Variants in SHISA6 observed in about 807,000 individuals in gnomAD.
The protein encoded by SHISA6 is shisa family member 6.
In SHISA6, 22 loss-of-function variants were observed where a neutral mutation model predicts 47.9. That is an observed-to-expected ratio of 0.46 (90% confidence interval 0.33 to 0.66). The LOEUF (loss-of-function observed/expected upper bound fraction) is 0.66. Ranked by LOEUF, SHISA6 falls within the 30% of genes least tolerant of loss-of-function variation. The pLI is 0.02. For synonymous variants in SHISA6, 388 were observed against 337.8 expected (o/e 1.15, Z -1.63); for missense variants, 680 against 764.6 (o/e 0.89, Z 1.30).
chr17:11,501,749 G>A (rs905821761), intron 3 of SHISA6, among the ~76,000 whole-genome samples: 3 of 152,064 alleles, frequency 2.0e-5, no homozygotes, highest in Non-Finnish European at 2.9e-5. Flanking sequence ...CTGCCACCCA[G>A]AGATATTTAG....
intron 1 of SHISA6, among the ~76,000 whole-genome samples, chr17:11,254,357 A>T (rs978994829): frequency 1.1e-4 from 17 of 152,178 alleles, no homozygotes; most frequent in African/African-American, 4.1e-4. Context: ...TGAAAGATAC[A>T]TGCTGACACA....
intron 3 of SHISA6, among the ~76,000 whole-genome samples, chr17:11,534,702 A>G (rs1043461073): frequency 6.6e-6 from 1 of 152,206 alleles, no homozygotes; most frequent in African/African-American, 2.4e-5. Context: ...TGAAGGATGA[A>G]TAAAAATTGA....
At chr17:11,455,565 G>A (rs930159686) in intron 3 of SHISA6, among the ~76,000 whole-genome samples, 8 of 152,064 alleles carry the variant, frequency 5.3e-5, no homozygotes, top group Non-Finnish European at 7.4e-5. Context: ...GTGTACAAGC[G>A]TGGAGAGCGT....
chr17:11,438,266 C>T (rs1442797313), intron 3 of SHISA6, among the ~76,000 whole-genome samples: 1 of 152,206 alleles, frequency 6.6e-6, no homozygotes, highest in Admixed American at 6.5e-5. Context: ...TTTATCCAAA[C>T]ATTAAACATC....
At chr17:11,248,445 C>T (rs942112134) in intron 1 of SHISA6, among the ~76,000 whole-genome samples, 23 of 152,066 alleles carry the variant, frequency 1.5e-4, no homozygotes, top group African/African-American at 5.6e-4. Context: ...TAAGCCAGGG[C>T]GCCTGTGTTC....
chr17:11,328,979 G>A (rs1911009183), intron 2 of SHISA6, among the ~76,000 whole-genome samples: 1 of 152,146 alleles, frequency 6.6e-6, no homozygotes, highest in Non-Finnish European at 1.5e-5. Context: ...TAACGATGGT[G>A]ATGATGATAA....
chr17:11,523,019 C>G (rs1420594084), intron 3 of SHISA6, among the ~76,000 whole-genome samples: 1 of 152,142 alleles, frequency 6.6e-6, no homozygotes, highest in African/African-American at 2.4e-5. Flanking sequence ...GAAGATTTTT[C>G]TTCTTTTGCC....
chr17:11,415,875 T>C lies in SHISA6; in HGVS notation c.895+36366T>C, dbSNP rs1343082297. ...GCTGCTAGAGCAAAATACCGTAGACTTGATGGCTTAAAAAAGACATTAATT... is the reference window on the plus strand; with the variant it reads ...GCTGCTAGAGCAAAATACCGTAGACCTGATGGCTTAAAAAAGACATTAATT... On this transcript the variant is annotated intron_variant, in intron 3 of 5. Coordinates refer to ENST00000441885, the MANE Select transcript of SHISA6 (RefSeq NM_207386.4). Among the ~76,000 whole-genome samples, 4 of 152,196 alleles carry C rather than the reference T, an allele frequency of 2.6e-5. No individual in the cohort carries two copies. The East Asian group carries it at 5.8e-4, about 22-fold the overall frequency.
intron 2 of SHISA6, among the ~76,000 whole-genome samples, chr17:11,308,273 A>G (rs781618508): frequency 2.4e-4 from 36 of 152,234 alleles, no homozygotes; most frequent in African/African-American, 2.9e-4. Context: ...CAGAAATGCC[A>G]GGGTGGAGAA....
chr17:11,303,782 C>T (rs935687679), intron 2 of SHISA6, among the ~76,000 whole-genome samples: 2 of 152,182 alleles, frequency 1.3e-5, no homozygotes, highest in African/African-American at 4.8e-5. Flanking sequence ...ATAATAAAAG[C>T]TCGTTGTAAG....
At chr17:11,412,515 G>GCA (rs1322612091) in intron 3 of SHISA6, among the ~76,000 whole-genome samples, 4 of 151,588 alleles carry the variant, frequency 2.6e-5, no homozygotes, top group African/African-American at 9.7e-5. Context: ...TTGAAATGAA[G>GCA]CATGGTTGTG....
intron 2 of SHISA6, among the ~76,000 whole-genome samples, chr17:11,303,205 T>G (rs559891035): frequency 6.6e-6 from 1 of 150,904 alleles, no homozygotes; most frequent in African/African-American, 2.4e-5. Flanking sequence ...TTGTGTGGTT[T>G]TGTGTGTGTG....
chr17:11,517,458 G>A (rs1047507805), intron 3 of SHISA6, among the ~76,000 whole-genome samples: 1 of 152,136 alleles, frequency 6.6e-6, no homozygotes, highest in African/African-American at 2.4e-5. Flanking sequence ...TCTTGTATGA[G>A]TCAAATTCAG....
intron 3 of SHISA6, among the ~76,000 whole-genome samples, chr17:11,485,582 C>T (rs529387139): frequency 2.2e-4 from 34 of 152,192 alleles, no homozygotes; most frequent in African/African-American, 6.5e-4. Context: ...CCAACGTAGA[C>T]GGCCACGCGC....
intron 3 of SHISA6, among the ~76,000 whole-genome samples, chr17:11,516,956 G>A (rs1218702044): frequency 2.6e-5 from 4 of 152,216 alleles, no homozygotes; most frequent in African/African-American, 9.6e-5. Flanking sequence ...ACATCATGCT[G>A]AGAATTCAAG....
chr17:11,524,685 G>C (rs1279070149), intron 3 of SHISA6, among the ~76,000 whole-genome samples: 1 of 152,002 alleles, frequency 6.6e-6, no homozygotes, highest in Non-Finnish European at 1.5e-5. Context: ...TTTTAGTCAA[G>C]ACGGGGTTTC....
intron 3 of SHISA6, among the ~76,000 whole-genome samples, chr17:11,434,064 CTTTT>C (rs1367652038): frequency 1.4e-5 from 2 of 138,044 alleles, no homozygotes; most frequent in Admixed American, 7.4e-5. Flanking sequence ...TTTTTTCTCT[CTTTT>C]TTTTTTTTTT....
At chr17:11,384,934 G>T (rs549444139) in intron 3 of SHISA6, among the ~76,000 whole-genome samples, 62 of 152,282 alleles carry the variant, frequency 4.1e-4, no homozygotes, top group Admixed American at 4.1e-3. Context: ...GCGATTGCCC[G>T]TTTTTCCATT....
At chr17:11,421,374 G>A (rs1914447414) in intron 3 of SHISA6, among the ~76,000 whole-genome samples, 1 of 152,138 alleles carries the variant, frequency 6.6e-6, no homozygotes, top group Non-Finnish European at 1.5e-5. Flanking sequence ...CAGCACCAGG[G>A]GGATTTCTTG....
Sources: gnomAD v4.1 joint callset for allele counts (sites outside exome capture counted in the v4.1 genomes callset) on GRCh38, gnomAD v4.1.1 for gene constraint, MANE v1.5 for transcripts, NCBI Gene and HGNC (gene_info 2026-07-23, HGNC 2026-07-21) for gene names.